The following FIBCD1 variants were observed in gnomAD, a reference collection of about 807,000 sequenced individuals.
FIBCD1 encodes the protein fibrinogen C domain containing 1.
Under a neutral mutation model 45.1 loss-of-function variants are expected in FIBCD1, and 47 were observed. The observed-to-expected ratio is 1.04, with a 90% CI of 0.82 to 1.33. The LOEUF is 1.33. FIBCD1 is among the 40% of genes most tolerant of loss of function. The pLI, the probability that FIBCD1 is intolerant of heterozygous loss-of-function variation, is 0.00. For missense variants in FIBCD1, 653 were observed against 682.2 expected (o/e 0.96, Z 0.48); for synonymous variants, 313 against 308.1 (o/e 1.02, Z -0.17).
intron 5 of FIBCD1, among the ~76,000 whole-genome samples, chr9:130,908,137 C>T (rs1831967614): frequency 6.6e-6 from 1 of 152,240 alleles, no homozygotes; most frequent in African/African-American, 2.4e-5. Flanking sequence ...GAAGTTAATA[C>T]CTATCATGTG....
chr9:130,923,357 G>C (rs1832293953), intron 4 of FIBCD1, among the ~76,000 whole-genome samples: 1 of 152,142 alleles, frequency 6.6e-6, no homozygotes, highest in South Asian at 2.1e-4. Context: ...GCCGTGTATT[G>C]GGTAGTTCAA....
intron 2 of FIBCD1, among the ~76,000 whole-genome samples, chr9:130,924,747 GGGA>G (rs367545711): frequency 5.3e-5 from 8 of 152,342 alleles, no homozygotes; most frequent in African/African-American, 1.4e-4. Context: ...GTGCCAGGTG[GGGA>G]GAGAGTGCCC....
intron 1 of FIBCD1, among the ~76,000 whole-genome samples, chr9:130,934,743 G>A (rs1339763384): frequency 6.6e-6 from 1 of 152,168 alleles, no homozygotes; most frequent in Non-Finnish European, 1.5e-5. Flanking sequence ...CTCGGGGATG[G>A]CACCAACCCT....
rs1049782298 is a variant in FIBCD1, at chr9:130,931,925, G to A, written c.73-1879C>T. 2.6e-5 allele frequency among the ~76,000 whole-genome samples: 4 copies of A among 152,278 alleles called. No individual in the cohort carries two copies. The East Asian group carries it at 5.8e-4, about 22-fold the overall frequency. On this transcript the variant is annotated intron_variant, in intron 1 of 6. Transcript: ENST00000372338. Reference sequence around the variant, plus strand: ...TTCGTATATTAAAGCACTTGGAGCCGTGCCTGGCACGTTGTGCTGGCACAG... The same window carrying A: ...TTCGTATATTAAAGCACTTGGAGCCATGCCTGGCACGTTGTGCTGGCACAG...
At position 130,926,395 on chromosome 9, in the gene FIBCD1, C is replaced by T. The variant is rs1440404432; in HGVS notation, c.553-1999G>A. On this transcript the variant is annotated intron_variant, in intron 2 of 6. Coordinates refer to ENST00000372338, the MANE Select transcript of FIBCD1 (RefSeq NM_032843.5). This position sits in a 1 kb window ranked among gnomAD's most constrained non-coding sequence, Gnocchi z 4.1. ...GTCCCTGCTTGCCGAGCTGCAGAGG[C>T]GCATCAGGGGAGGGCTGGACAGCGC... Among the ~76,000 whole-genome samples the T allele has an allele frequency of 2.6e-5, 4 of 152,210 alleles. No homozygotes were observed. The highest frequency in any genetic ancestry group is 5.9e-5 in the Non-Finnish European group (4 of 68,054).
intron 4 of FIBCD1, among the ~76,000 whole-genome samples, chr9:130,917,867 A>G (rs1832194348): frequency 6.6e-6 from 1 of 152,146 alleles, no homozygotes. Flanking sequence ...AGTGGGGATG[A>G]GAGTGCACGC....
Position 130,939,102 on chromosome 9 carries a change from G to C in FIBCD1, c.-495C>G, listed in dbSNP as rs370129061. The C allele has an allele frequency of 6.6e-6, 1 of 152,088 alleles. No homozygotes were observed. Among genetic ancestry groups the C allele is most frequent in the Non-Finnish European group, 1.5e-5 (1 of 68,014 alleles). The allele number at this position is 152,088 out of a possible 1,614,324, so 9.4% of individuals were successfully genotyped here. A position where few individuals can be genotyped will look rare whatever the true frequency, so the allele number is the denominator to read the frequency against. On this transcript the variant is annotated 5_prime_UTR_variant, in exon 1 of 7. Transcript: ENST00000372338. ...GAACTGGCCCCCAGATAACGCGGCC[G>C]GCCGGAGGGCAGCAAACAGCCGCGG...
At position 130,910,358 on chromosome 9, in the gene FIBCD1, G is replaced by A. The variant is rs192932877; in HGVS notation, c.946+1434C>T. On this transcript the variant is annotated intron_variant, in intron 5 of 6. Transcript: ENST00000372338. ...CTCACCGGGCCTTAGCTGCCTTCCC[G>A]CGGGCCAGGGCTCGGGACCTGCAGC... 2.2e-3 allele frequency among the ~76,000 whole-genome samples: 337 copies of A among 152,290 alleles called. 4 individuals are homozygous for A. Among genetic ancestry groups the A allele is most frequent in the African/African-American group, 7.9e-3 (328 of 41,554 alleles).
chr9:130,912,717 G>A (rs949787612), intron 4 of FIBCD1, among the ~76,000 whole-genome samples: 1 of 149,982 alleles, frequency 6.7e-6, no homozygotes, highest in Non-Finnish European at 1.5e-5. Context: ...AAAAAAAAAA[G>A]GGAATCTCGG....
intron 6 of FIBCD1, among the ~76,000 whole-genome samples, 170 bp downstream of exon 6, chr9:130,905,064 G>T (rs1178419963): frequency 6.6e-6 from 1 of 152,180 alleles, no homozygotes; most frequent in Non-Finnish European, 1.5e-5. Context: ...GCCTCTGATT[G>T]TGATGTGGGG....
At chr9:130,906,737 C>A (rs1831935036) in intron 5 of FIBCD1, among the ~76,000 whole-genome samples, 1 of 152,212 alleles carries the variant, frequency 6.6e-6, no homozygotes, top group Non-Finnish European at 1.5e-5. Flanking sequence ...ATGACAACAG[C>A]CGCCACCTGG....
chr9:130,912,488 C>T (rs1229810943), intron 4 of FIBCD1, among the ~76,000 whole-genome samples: 4 of 151,388 alleles, frequency 2.6e-5, no homozygotes, highest in Non-Finnish European at 4.4e-5. Context: ...GGGTGGATCA[C>T]CTGAGGTCAG....
chr9:130,906,962 G>A (rs1831939775), intron 5 of FIBCD1, among the ~76,000 whole-genome samples: 1 of 152,174 alleles, frequency 6.6e-6, no homozygotes, highest in South Asian at 2.1e-4. Context: ...GGAGGAAAAT[G>A]AGGCCCAGGG....
At chr9:130,934,339 G>A (rs976017641) in intron 1 of FIBCD1, among the ~76,000 whole-genome samples, 1 of 152,200 alleles carries the variant, frequency 6.6e-6, no homozygotes, top group Non-Finnish European at 1.5e-5. Flanking sequence ...AAAGACTTAG[G>A]AAGGGGGTCT....
intron 5 of FIBCD1, among the ~76,000 whole-genome samples, chr9:130,910,740 A>G (rs1268782518): frequency 1.3e-5 from 2 of 152,210 alleles, no homozygotes; most frequent in Non-Finnish European, 2.9e-5. Flanking sequence ...AACACTCTGT[A>G]TCTAGCTGCT....
Position 130,903,997 on chromosome 9 carries a change from A to G in FIBCD1, c.*67T>C, listed in dbSNP as rs763966265. Reference sequence around the variant, plus strand: ...CACAGGTGGGTGGAGAACATTCACGAAAGAGTGAGGTGGGGTCGGGGATGG... The same window carrying G: ...CACAGGTGGGTGGAGAACATTCACGGAAGAGTGAGGTGGGGTCGGGGATGG... On this transcript the variant is annotated 3_prime_UTR_variant, in exon 7 of 7. Coordinates refer to ENST00000372338, the MANE Select transcript of FIBCD1 (RefSeq NM_032843.5). The G allele has an allele frequency of 2.7e-5, 42 of 1,571,132 alleles. No individual in the cohort carries two copies. In the Admixed American group the frequency reaches 5.4e-4, roughly 20 times the overall value.
intron 2 of FIBCD1, 104 bp downstream of exon 2, chr9:130,929,463 T>C (rs543271905): frequency 7.2e-7 from 1 of 1,394,524 alleles, no homozygotes; most frequent in African/African-American, 1.5e-5. Context: ...TCTGGGGCCT[T>C]GGGGATTAAG....
intron 6 of FIBCD1, 72 bp from the exon 7 acceptor site, chr9:130,904,395 G>GCACGTGCTC: frequency 4.0e-6 from 6 of 1,518,434 alleles, no homozygotes; most frequent in Non-Finnish European, 5.3e-6. Flanking sequence ...TGTGTGAGCA[G>GCACGTGCTC]ACACCGAGAC....
At chr9:130,906,622 C>G (rs1367165605) in intron 5 of FIBCD1, among the ~76,000 whole-genome samples, 1 of 152,216 alleles carries the variant, frequency 6.6e-6, no homozygotes, top group Non-Finnish European at 1.5e-5. Context: ...GCTGCTGAGT[C>G]TCAGGGCAGC....
Sources: gnomAD v4.1 joint callset for allele counts (sites outside exome capture counted in the v4.1 genomes callset) on GRCh38, gnomAD v4.1.1 for gene constraint, Gnocchi (gnomAD v3.1) non-coding constraint, MANE v1.5 for transcripts, NCBI Gene and HGNC (gene_info 2026-07-23, HGNC 2026-07-21) for gene names.